Variants in CDK13 observed in about 807,000 individuals in gnomAD.
CDK13 encodes cyclin dependent kinase 13, also known as cyclin-dependent kinase 13.
In CDK13, 40 loss-of-function variants were observed where a neutral mutation model predicts 137.6. That is an observed-to-expected ratio of 0.29 (90% CI 0.23 to 0.38). The LOEUF is 0.38. CDK13 is among the 10% of genes least tolerant of loss of function. The pLI is 1.00. For synonymous variants in CDK13, 869 were observed against 760.1 expected, an observed-to-expected ratio of 1.14 and a Z score of -2.36; for missense variants, 1,704 against 1,951.8, an observed-to-expected ratio of 0.87 and a Z score of 2.39.
At chr7:40,048,839 T>C (rs1337423106) in intron 7 of CDK13, 1 of 151,274 alleles carries the variant, frequency 6.6e-6, no homozygotes, top group Admixed American at 6.6e-5. Context: ...CCTTATATAG[T>C]GTTCTAGAGT....
chr7:40,074,861 C>T (rs983774103), intron 9 of CDK13, among the ~76,000 whole-genome samples: 9 of 150,430 alleles, frequency 6.0e-5, no homozygotes, highest in Non-Finnish European at 1.0e-4. Context: ...ACAAAAAGCC[C>T]GTAAAGGAAA....
chr7:40,005,164 A>G (rs1287171527), intron 5 of CDK13, among the ~76,000 whole-genome samples: 2 of 125,484 alleles, frequency 1.6e-5, no homozygotes, highest in Non-Finnish European at 1.7e-5. Flanking sequence ...ACAGAGCGAG[A>G]CTCTTGTCTC....
chr7:40,074,895 GATAAATAA>G (rs554726987), intron 9 of CDK13, among the ~76,000 whole-genome samples: 1 of 151,112 alleles, frequency 6.6e-6, no homozygotes, highest in Non-Finnish European at 1.5e-5. Context: ...ACTGAAAATA[GATAAATAA>G]ATAAATAAAG....
At position 39,950,686 on chromosome 7, in the gene CDK13, G is replaced by A. The variant is rs1215693519; in HGVS notation, c.45G>A (p.Leu15=). ...SDTALGGGGG[L]SWAEKKLEER... ...CGGCGCTGGGGGGAGGCGGGGGCCT[G>A]AGCTGGGCGGAGAAGAAGTTGGAGG... Residue 15 remains leucine, a synonymous_variant, in exon 1 of 14, where the codon CTG becomes CTA. Transcript: ENST00000181839. 4 of 1,425,888 alleles carry A rather than the reference G, an allele frequency of 2.8e-6. No individual in the cohort carries two copies. Among genetic ancestry groups the A allele is most frequent in the South Asian group, 1.4e-5 (1 of 69,272 alleles). 88.3% of individuals were successfully genotyped at this position (1,425,888 alleles called of 1,614,324 possible). A position where few individuals can be genotyped will look rare whatever the true frequency, so the allele number is the denominator to read the frequency against.
chr7:40,087,224 A>G (rs571067321), intron 11 of CDK13, among the ~76,000 whole-genome samples: 1 of 152,106 alleles, frequency 6.6e-6, no homozygotes, highest in Non-Finnish European at 1.5e-5. Flanking sequence ...GCTCACTGCA[A>G]CCACCACCAC....
At position 40,086,375 on chromosome 7, in the gene CDK13, G is replaced by A. The variant is rs1786788504; in HGVS notation, c.3030-1751G>A. 2.0e-5 allele frequency among the ~76,000 whole-genome samples: 3 copies of A among 152,256 alleles called. No homozygotes were observed. The East Asian group carries it at 5.8e-4, about 29-fold the overall frequency. ...AACAGATCCAGGTTGAGGATTATAG[G>A]TATATATTACCAGGTGGGGTTGCTT... is the stretch of plus-strand genomic sequence containing the variant. On this transcript the variant is annotated intron_variant, in intron 11 of 13. Coordinates refer to ENST00000181839, the MANE Select transcript of CDK13 (RefSeq NM_003718.5).
In CDK13 at chr7:40,075,209, T is replaced by C. The variant is rs563720295; in HGVS notation, c.2781-2796T>C. 9.2e-5 allele frequency among the ~76,000 whole-genome samples: 14 copies of C among 152,266 alleles called. No homozygotes were observed. In the South Asian group the frequency reaches 2.7e-3, roughly 29 times the overall value. On this transcript the variant is annotated intron_variant, in intron 9 of 13. Coordinates refer to ENST00000181839, the MANE Select transcript of CDK13 (RefSeq NM_003718.5). Reference sequence around the variant, plus strand: ...ATTCCCAAAGTATACCTCAGGTAATTGGGGATTTAGCATATACCTTAGTGT... The same window carrying C: ...ATTCCCAAAGTATACCTCAGGTAATCGGGGATTTAGCATATACCTTAGTGT...
In CDK13 at chr7:40,093,252, A is replaced by G; in HGVS notation, c.3688+15A>G. The stretch of plus-strand genomic sequence containing the variant: ...TCCGGTGTCGGGTAAGTGTGCAGAT[A>G]CCAGACCACTAACACAGCTGCATTA... On this transcript the variant is annotated intron_variant, in intron 13 of 13. Transcript: ENST00000181839. 1 of 1,585,848 alleles carries G rather than the reference A, an allele frequency of 6.3e-7. No homozygotes were observed. Among genetic ancestry groups the G allele is most frequent in the Non-Finnish European group, 8.6e-7 (1 of 1,160,412 alleles).
At chr7:39,971,130 CTT>C (rs1390671282) in intron 1 of CDK13, among the ~76,000 whole-genome samples, 1 of 152,170 alleles carries the variant, frequency 6.6e-6, no homozygotes, top group Non-Finnish European at 1.5e-5. Flanking sequence ...AGTCCTGTGA[CTT>C]TTTAAATATT....
intron 1 of CDK13, among the ~76,000 whole-genome samples, chr7:39,961,634 C>A (rs1178857384): frequency 6.8e-6 from 1 of 147,248 alleles, no homozygotes; most frequent in African/African-American, 2.5e-5. Flanking sequence ...TAATTTACTT[C>A]TTTTTTTTTT....
chr7:39,998,965 A>C (rs1784622924), intron 3 of CDK13: 1 of 152,988 alleles, frequency 6.5e-6, no homozygotes, highest in Non-Finnish European at 1.5e-5. Context: ...CTTGTTTCGT[A>C]AAAGTAGATT....
chr7:39,980,517 A>C lies in CDK13; in HGVS notation c.1212-7082A>C, dbSNP rs554926224. Among the ~76,000 whole-genome samples, 3 of 152,336 alleles carry C rather than the reference A, an allele frequency of 2.0e-5. No homozygotes were observed. In the East Asian group the frequency reaches 5.8e-4, roughly 29 times the overall value. ...GATTTTCAGTTTGGGAGTCATATTC[A>C]TACCTTTTTGGGGGGGTTAATAAGT... On this transcript the variant is annotated intron_variant, in intron 1 of 13. Transcript: ENST00000181839.
rs377412533 is a variant in CDK13 at position 40,094,669 on chromosome 7, A to G, written c.4228A>G (p.Ile1410Val). ...CAGTTCAGTAGCTGGATATGGAGAC[A>G]TTTACCTCAATGCTGGTCCCATGTT... Reference protein sequence around the residue: ...FPSSVAGYGDIYLNAGPMLFS... With the variant: ...FPSSVAGYGDVYLNAGPMLFS... Residue 1410 changes from isoleucine to valine, a missense_variant, in exon 14 of 14, where the codon ATT (isoleucine) becomes GTT (valine). Coordinates refer to ENST00000181839, the MANE Select transcript of CDK13 (RefSeq NM_003718.5). 4.3e-6 allele frequency: 7 copies of G among 1,614,168 alleles called. No individual in the cohort carries two copies. The highest frequency in any genetic ancestry group is 3.3e-4 in the Middle Eastern group (2 of 6,062).
rs982232766 is a variant in CDK13 at position 39,965,361 on chromosome 7, C to G, written c.1211+13509C>G. 2.6e-5 allele frequency among the ~76,000 whole-genome samples: 4 copies of G among 152,152 alleles called. No homozygotes were observed. In the East Asian group the frequency reaches 7.7e-4, roughly 29 times the overall value. Reference sequence around the variant, plus strand: ...AGCTCTTGTTGAATTGATCCCTTTACCATTATGTAATGGCCTTCTTTGTTT... The same window carrying G: ...AGCTCTTGTTGAATTGATCCCTTTAGCATTATGTAATGGCCTTCTTTGTTT... On this transcript the variant is annotated intron_variant, in intron 1 of 13. Transcript: ENST00000181839.
At chr7:39,981,213 C>T (rs1050376556) in intron 1 of CDK13, among the ~76,000 whole-genome samples, 1 of 151,878 alleles carries the variant, frequency 6.6e-6, no homozygotes, top group Admixed American at 6.6e-5. Context: ...GCAAAACATA[C>T]AAAAATTAGT....
At chr7:40,027,796 C>G (rs1395536490) in intron 5 of CDK13, among the ~76,000 whole-genome samples, 1 of 151,302 alleles carries the variant, frequency 6.6e-6, no homozygotes, top group Non-Finnish European at 1.5e-5. Flanking sequence ...GAGGTTGAGA[C>G]TTAACGCTGA....
intron 1 of CDK13, among the ~76,000 whole-genome samples, chr7:39,975,807 G>T (rs1784092480): frequency 6.6e-6 from 1 of 152,182 alleles, no homozygotes; most frequent in Non-Finnish European, 1.5e-5. Context: ...GGCGGTTTAG[G>T]CCTTGTGAGT....
chr7:39,996,526 T>TA (rs1351149771), intron 2 of CDK13, among the ~76,000 whole-genome samples: 8 of 152,134 alleles, frequency 5.3e-5, no homozygotes, highest in African/African-American at 1.9e-4. Context: ...GCTGGAATCT[T>TA]AAAAAAATTA....
At chr7:40,023,209 C>CA (rs1322684621) in intron 5 of CDK13, among the ~76,000 whole-genome samples, 1 of 151,614 alleles carries the variant, frequency 6.6e-6, no homozygotes, top group Non-Finnish European at 1.5e-5. Context: ...TCTCATGTCT[C>CA]AGTCTCCTGA....
Sources: gnomAD v4.1 joint callset for allele counts (sites outside exome capture counted in the v4.1 genomes callset) on GRCh38, gnomAD v4.1.1 for gene constraint, MANE v1.5 for transcripts, NCBI Gene and HGNC (gene_info 2026-07-23, HGNC 2026-07-21) for gene names.